PLCL2: variants seen among roughly 807,000 people sequenced by gnomAD.
The protein encoded by PLCL2 is inactive phospholipase C-like protein 2.
Under a neutral mutation model 79.6 loss-of-function variants are expected in PLCL2, and 4 were observed. That is an observed-to-expected ratio of 0.05 (90% CI 0.02 to 0.11). The LOEUF (loss-of-function observed/expected upper bound fraction) is 0.11, where lower values mean the gene tolerates loss of function less well. Among genes scored for constraint, PLCL2 ranks in the 10% least tolerant of loss-of-function variants. PLCL2 has a pLI of 1.00. For missense variants in PLCL2, 895 were observed against 1,291.0 expected (o/e 0.69, Z 4.70); for synonymous variants, 484 against 457.7 (o/e 1.06, Z -0.73).
At chr3:17,056,751 A>G (rs1280145272) in intron 4 of PLCL2, among the ~76,000 whole-genome samples, 1 of 152,226 alleles carries the variant, frequency 6.6e-6, no homozygotes, top group African/African-American at 2.4e-5. Context: ...AATAATGTCT[A>G]TACCATCATG....
intron 1 of PLCL2, among the ~76,000 whole-genome samples, chr3:16,978,686 A>G (rs573086977): frequency 6.6e-6 from 1 of 152,350 alleles, no homozygotes; most frequent in Admixed American, 6.5e-5. Flanking sequence ...TTACAAGCTC[A>G]TTAGTTTTCT....
At chr3:16,980,536 T>C (rs1450946068) in intron 1 of PLCL2, among the ~76,000 whole-genome samples, 1 of 141,786 alleles carries the variant, frequency 7.1e-6, no homozygotes, top group African/African-American at 2.7e-5. Flanking sequence ...TCTCAGACGA[T>C]GGGCGGCCGG....
At position 16,972,204 on chromosome 3, in the gene PLCL2, A is replaced by C. The variant is rs528709160; in HGVS notation, c.328-37470A>C. 2.7e-3 allele frequency among the ~76,000 whole-genome samples: 417 copies of C among 152,304 alleles called. 2 individuals carry two copies. Among genetic ancestry groups the C allele is most frequent in the Admixed American group, 5.0e-3 (76 of 15,296 alleles). Reference sequence around the variant, plus strand: ...GGGCAATTAGGCAGGAGAAGGAAATAAAGGGTATTCAGTTAGGAAAAGAGG... The same window carrying C: ...GGGCAATTAGGCAGGAGAAGGAAATCAAGGGTATTCAGTTAGGAAAAGAGG... On this transcript the variant is annotated intron_variant, in intron 1 of 5. Coordinates refer to ENST00000615277, the MANE Select transcript of PLCL2 (RefSeq NM_001144382.2).
intron 4 of PLCL2, among the ~76,000 whole-genome samples, chr3:17,053,748 A>G (rs1250111879): frequency 1.3e-5 from 2 of 152,180 alleles, no homozygotes; most frequent in African/African-American, 4.8e-5. Context: ...CAGCCAAAAG[A>G]AAGGGACTAC....
At chr3:16,973,843 ACATT>A (rs1335298487) in intron 1 of PLCL2, among the ~76,000 whole-genome samples, 1 of 152,210 alleles carries the variant, frequency 6.6e-6, no homozygotes, top group African/African-American at 2.4e-5. Flanking sequence ...GGAGGGACAG[ACATT>A]CATTATATAA....
intron 1 of PLCL2, among the ~76,000 whole-genome samples, chr3:16,912,421 T>G (rs917834984): frequency 1.3e-5 from 2 of 152,200 alleles, no homozygotes; most frequent in Admixed American, 6.5e-5. Context: ...TGGACAAAAT[T>G]GAAGGTCCAT....
chr3:16,992,657 G>T (rs1485403940), intron 1 of PLCL2, among the ~76,000 whole-genome samples: 1 of 152,206 alleles, frequency 6.6e-6, no homozygotes, highest in Non-Finnish European at 1.5e-5. Flanking sequence ...GCATAGCGAA[G>T]CAGGTGGCCA....
intron 1 of PLCL2, among the ~76,000 whole-genome samples, chr3:16,966,402 T>C (rs566952105): frequency 5.7e-4 from 86 of 152,124 alleles, no homozygotes; most frequent in Non-Finnish European, 1.0e-3. Context: ...TTTTAATGTG[T>C]TGCTGGATTC....
chr3:17,076,146 G>A (rs1031340587), intron 5 of PLCL2, among the ~76,000 whole-genome samples: 7 of 152,116 alleles, frequency 4.6e-5, no homozygotes, highest in Non-Finnish European at 8.8e-5. Context: ...AGTGTTGCAA[G>A]GGTTTTAGTT....
intron 1 of PLCL2, among the ~76,000 whole-genome samples, chr3:16,922,766 TAG>T (rs4035218): frequency 0.27 from 40,608 of 151,548 alleles, 6,113 homozygotes; most frequent in East Asian, 0.51. Context: ...AAAATAATGT[TAG>T]AGACAGCTAA....
chr3:17,057,213 AT>A (rs1179240076), intron 4 of PLCL2, among the ~76,000 whole-genome samples: 1 of 152,212 alleles, frequency 6.6e-6, no homozygotes, highest in Admixed American at 6.5e-5. Flanking sequence ...AATGCAACTT[AT>A]CCCCTTTGGA....
At chr3:17,042,011 T>C (rs1362746923) in intron 3 of PLCL2, among the ~76,000 whole-genome samples, 3 of 152,170 alleles carry the variant, frequency 2.0e-5, no homozygotes, top group Admixed American at 2.0e-4. Context: ...TTACTTAAAA[T>C]ATGATGGTCA....
intron 1 of PLCL2, among the ~76,000 whole-genome samples, chr3:16,891,753 T>G (rs886088674): frequency 4.6e-5 from 7 of 152,244 alleles, no homozygotes; most frequent in Non-Finnish European, 8.8e-5. Flanking sequence ...ATGGTCATCT[T>G]ACTTGTAATC....
At chr3:16,915,601 AT>A (rs1372731211) in intron 1 of PLCL2, among the ~76,000 whole-genome samples, 1 of 152,034 alleles carries the variant, frequency 6.6e-6, no homozygotes, top group Admixed American at 6.6e-5. Context: ...TAATTTTATT[AT>A]TTTTTTCCTC....
intron 1 of PLCL2, among the ~76,000 whole-genome samples, chr3:16,930,539 T>C (rs117285190): frequency 6.6e-6 from 1 of 152,350 alleles, no homozygotes; most frequent in East Asian, 1.9e-4. Flanking sequence ...TGTACTGTTT[T>C]CTTAAACTCC....
intron 1 of PLCL2, among the ~76,000 whole-genome samples, chr3:16,992,685 G>A (rs2124996842): frequency 6.6e-6 from 1 of 152,314 alleles, no homozygotes; most frequent in Non-Finnish European, 1.5e-5. Flanking sequence ...CTCCCCACAA[G>A]ATCCATGCCC....
chr3:16,885,108 C>G lies in PLCL2; in HGVS notation c.69C>G (p.Gly23=). Residue 23 remains glycine, a synonymous_variant, in exon 1 of 6, where the codon GGC becomes GGG. Transcript: ENST00000615277. The part of the protein sequence containing the change: ...ALPTSPGPAL[G]AKGALKAGVG... The stretch of plus-strand genomic sequence containing the variant: ...CCACCTCCCCGGGCCCGGCCCTCGG[C>G]GCCAAGGGCGCCCTGAAAGCCGGAG... 1 of 463,724 alleles carries G rather than the reference C, an allele frequency of 2.2e-6. No homozygotes were observed. The highest frequency in any genetic ancestry group is 3.6e-5 in the East Asian group (1 of 28,110). 28.7% of individuals were successfully genotyped at this position (463,724 alleles called of 1,614,324 possible). A position where few individuals can be genotyped will look rare whatever the true frequency, so the allele number is the denominator to read the frequency against.
intron 4 of PLCL2, among the ~76,000 whole-genome samples, chr3:17,061,580 G>A (rs1409502445): frequency 6.6e-6 from 1 of 151,908 alleles, no homozygotes; most frequent in Non-Finnish European, 1.5e-5. Flanking sequence ...AAATTATAAA[G>A]TATTTTGAAA....
Position 17,021,424 on chromosome 3 carries a change from G to T in PLCL2, c.3018+6513G>T, listed in dbSNP as rs550781247. ...CATCACATGTATTATCAGATGAGAA[G>T]TACCAGGCCACCACACAGTGATCGG... On this transcript the variant is annotated intron_variant, in intron 3 of 5. Transcript: ENST00000615277. 3.2e-4 allele frequency among the ~76,000 whole-genome samples: 49 copies of T among 152,288 alleles called. No individual in the cohort carries two copies. The South Asian group carries it at 9.9e-3, about 31-fold the overall frequency.
Sources: allele counts gnomAD v4.1 joint callset (sites outside exome capture counted in the v4.1 genomes callset), GRCh38; gene constraint gnomAD v4.1.1; transcripts MANE v1.5; gene names NCBI Gene and HGNC (gene_info 2026-07-23, HGNC 2026-07-21).